Variants in CXADR observed in about 807,000 individuals in gnomAD.
The protein encoded by CXADR is coxsackievirus and adenovirus receptor.
CXADR carries 20 observed loss-of-function variants against 40.3 expected under a neutral mutation model. The observed-to-expected ratio is 0.50, with a 90% CI of 0.35 to 0.72. The LOEUF (loss-of-function observed/expected upper bound fraction) is 0.72. Among genes scored for constraint, CXADR ranks in the 30% least tolerant of loss-of-function variants. The pLI, the probability that CXADR is intolerant of heterozygous loss-of-function variation, is 0.01. For missense variants in CXADR, 332 were observed against 449.1 expected, an observed-to-expected ratio of 0.74 and a Z score of 2.36; for synonymous variants, 150 against 161.3, an observed-to-expected ratio of 0.93 and a Z score of 0.53.
downstream of CXADR, among the ~76,000 whole-genome samples, chr21:17,572,589 G>A (rs965438486): frequency 1.3e-5 from 2 of 152,150 alleles, no homozygotes; most frequent in African/African-American, 4.8e-5. Context: ...GGTCTAGGGT[G>A]AAATCAGTGA....
chr21:17,565,272 G>C (rs878891657), intron 6 of CXADR, among the ~76,000 whole-genome samples, 156 bp from the exon 7 acceptor site: 2 of 143,268 alleles, frequency 1.4e-5, no homozygotes, highest in African/African-American at 5.2e-5. Context: ...TGTGCTTTTT[G>C]CTTTTTTGTG....
At chr21:17,618,788 G>A in the CXADR span, among the ~76,000 whole-genome samples, 36 of 152,188 alleles carry the variant, frequency 2.4e-4, no homozygotes, top group East Asian at 6.8e-3. Flanking sequence ...ACCCGCCTTG[G>A]CCTCACAAAG....
At position 17,560,693 on chromosome 21, in the gene CXADR, C is replaced by T. The variant is rs1225382445; in HGVS notation, c.572-9C>T. On this transcript the variant is annotated splice_polypyrimidine_tract_variant and intron_variant, in intron 4 of 6. Transcript: ENST00000284878. ...AAATGAGTTTGTTTTCTTTTTCCTCCTTCCATAGAAATGACTTCATCTGTT... is the reference window on the plus strand; with the variant it reads ...AAATGAGTTTGTTTTCTTTTTCCTCTTTCCATAGAAATGACTTCATCTGTT... The T allele has an allele frequency of 3.1e-6, 5 of 1,609,856 alleles. No individual in the cohort carries two copies. Among genetic ancestry groups the T allele is most frequent in the Non-Finnish European group, 4.2e-6 (5 of 1,178,128 alleles).
Position 17,566,163 on chromosome 21 carries a change from C to T in CXADR, c.*471C>T. 1.0e-6 allele frequency: 1 copy of T among 984,928 alleles called. No individual in the cohort carries two copies. The highest frequency in any genetic ancestry group is 6.1e-5 in the Admixed American group (1 of 16,304). 61.0% of individuals were successfully genotyped at this position (984,928 alleles called of 1,614,324 possible). A position where few individuals can be genotyped will look rare whatever the true frequency, so the allele number is the denominator to read the frequency against. On this transcript the variant is annotated 3_prime_UTR_variant, in exon 7 of 7. Transcript: ENST00000284878. ...TACAGAAATATCCATGACAAAATTA[C>T]TTACGTATGTTTGTACTTGGTTTTA...
the CXADR span, among the ~76,000 whole-genome samples, chr21:17,610,804 C>CA: frequency 6.6e-6 from 1 of 152,154 alleles, no homozygotes; most frequent in Admixed American, 6.5e-5. Flanking sequence ...CCCACATTTC[C>CA]AAAAAAATAA....
the CXADR span, chr21:17,604,293 A>C: frequency 3.9e-6 from 1 of 254,888 alleles, no homozygotes; most frequent in African/African-American, 2.4e-5. Flanking sequence ...ATATAAAAAA[A>C]AATTAGCCGG....
chr21:17,596,373 A>C (rs1252179844), downstream of CXADR, among the ~76,000 whole-genome samples: 1 of 152,038 alleles, frequency 6.6e-6, no homozygotes, highest in Non-Finnish European at 1.5e-5. Flanking sequence ...TCACAAAATA[A>C]AGATTATATT....
At position 17,568,159 on chromosome 21, in the gene CXADR, C is replaced by T. The variant is rs1391755265; in HGVS notation, c.*2467C>T. The T allele has an allele frequency of 1.6e-5, 15 of 953,748 alleles. No individual in the cohort carries two copies. Among genetic ancestry groups the T allele is most frequent in the South Asian group, 1.5e-4 (3 of 20,384 alleles). 59.1% of individuals were successfully genotyped at this position (953,748 alleles called of 1,614,324 possible). On this transcript the variant is annotated 3_prime_UTR_variant, in exon 7 of 7. Coordinates refer to ENST00000284878, the MANE Select transcript of CXADR (RefSeq NM_001338.5). ...TTTTTTTTTTTTTAAGACGGAGTCT[C>T]GGTCTGTCACCCAGGCTGGAGTGCA...
intron 1 of CXADR, among the ~76,000 whole-genome samples, chr21:17,526,321 T>G (rs1272019425): frequency 6.6e-6 from 1 of 152,238 alleles, no homozygotes; most frequent in East Asian, 1.9e-4. Flanking sequence ...CACATAGTAT[T>G]TGTTTCCTGT....
the CXADR span, among the ~76,000 whole-genome samples, chr21:17,616,203 A>T: frequency 6.6e-6 from 1 of 151,514 alleles, no homozygotes; most frequent in Non-Finnish European, 1.5e-5. Context: ...GTGAACTGAG[A>T]TCATCGTGCT....
the CXADR span, among the ~76,000 whole-genome samples, chr21:17,624,209 C>T: frequency 6.6e-6 from 1 of 152,176 alleles, no homozygotes; most frequent in Non-Finnish European, 1.5e-5. Context: ...CTGCTATACT[C>T]ACCTCCCATT....
At chr21:17,585,578 C>T (rs1044802712) in intron 7 of CXADR, among the ~76,000 whole-genome samples, 20 of 152,142 alleles carry the variant, frequency 1.3e-4, no homozygotes, top group Middle Eastern at 3.4e-3. Flanking sequence ...AGTACAGTGG[C>T]GCCATCTCGG....
At chr21:17,586,440 T>G (rs2061397235) in intron 7 of CXADR, among the ~76,000 whole-genome samples, 1 of 148,192 alleles carries the variant, frequency 6.7e-6, no homozygotes, top group African/African-American at 2.5e-5. Context: ...TGTATAATCC[T>G]TCCATATTTC....
At chr21:17,576,130 A>G (rs908138521) in intron 7 of CXADR, among the ~76,000 whole-genome samples, 11 of 151,248 alleles carry the variant, frequency 7.3e-5, no homozygotes, top group Non-Finnish European at 1.5e-4. Flanking sequence ...GAAAAGGAGG[A>G]AAAAGAAACA....
chr21:17,562,076 G>A (rs1234480090), intron 6 of CXADR, among the ~76,000 whole-genome samples: 1 of 152,102 alleles, frequency 6.6e-6, no homozygotes, highest in Non-Finnish European at 1.5e-5. Flanking sequence ...GTGCATAAAA[G>A]GTTATGTTTA....
downstream of CXADR, among the ~76,000 whole-genome samples, chr21:17,594,652 T>TC (rs1285583142): frequency 2.0e-5 from 3 of 152,204 alleles, no homozygotes; most frequent in East Asian, 5.8e-4. Context: ...TCCAGTGGTT[T>TC]CCACAGCTGG....
At chr21:17,635,057 G>A in the CXADR span, among the ~76,000 whole-genome samples, 1 of 152,200 alleles carries the variant, frequency 6.6e-6, no homozygotes. Context: ...GGAAGAAATG[G>A]ATGGAAGTTG....
intron 1 of CXADR, among the ~76,000 whole-genome samples, chr21:17,546,526 A>T (rs945740107): frequency 1.1e-4 from 16 of 152,148 alleles, no homozygotes; most frequent in African/African-American, 3.9e-4. Context: ...GAGAAGGGGG[A>T]GGTGCTGCAC....
the CXADR span, among the ~76,000 whole-genome samples, chr21:17,625,720 T>C: frequency 6.6e-6 from 1 of 152,218 alleles, no homozygotes; most frequent in African/African-American, 2.4e-5. Context: ...ATTTGCAAAT[T>C]CCTGATATTT....
Sources: allele counts gnomAD v4.1 joint callset (sites outside exome capture counted in the v4.1 genomes callset), GRCh38; gene constraint gnomAD v4.1.1; transcripts MANE v1.5; gene names NCBI Gene and HGNC (gene_info 2026-07-23, HGNC 2026-07-21).